CPE: variants seen among roughly 807,000 people sequenced by gnomAD.
CPE encodes carboxypeptidase E, also known as carbocypeptidase E.
In CPE, 17 loss-of-function variants were observed where a neutral mutation model predicts 53.5. That is an observed-to-expected ratio of 0.32 (90% CI 0.22 to 0.48). The LOEUF is 0.48. Among genes scored for constraint, CPE ranks in the 20% least tolerant of loss-of-function variants. The pLI is 0.99. For missense variants in CPE, 524 were observed against 614.7 expected (o/e 0.85, Z 1.56); for synonymous variants, 226 against 228.8 (o/e 0.99, Z 0.11).
chr4:165,398,399 C>T (rs945802859), intron 1 of CPE, among the ~76,000 whole-genome samples: 7 of 151,890 alleles, frequency 4.6e-5, no homozygotes, highest in African/African-American at 1.7e-4. Context: ...TGTATGAATA[C>T]ATATAGGTAC....
intron 1 of CPE, among the ~76,000 whole-genome samples, chr4:165,430,051 T>A (rs76859813): frequency 0.19 from 25,283 of 136,480 alleles, 2,403 homozygotes; most frequent in East Asian, 0.32. Context: ...TATCAAAAAA[T>A]AAAAATAAAA....
chr4:165,489,080 C>G (rs1579284248), intron 6 of CPE, among the ~76,000 whole-genome samples: 1 of 152,078 alleles, frequency 6.6e-6, no homozygotes, highest in East Asian at 1.9e-4. Context: ...GATAAGCAGT[C>G]CACGATGACT....
intron 1 of CPE, among the ~76,000 whole-genome samples, chr4:165,402,113 A>T (rs1023577800): frequency 6.6e-6 from 1 of 152,218 alleles, no homozygotes; most frequent in Non-Finnish European, 1.5e-5. Flanking sequence ...TAAAAATGTA[A>T]TAAAGCTTCT....
chr4:165,453,721 C>T (rs565215563), intron 1 of CPE, among the ~76,000 whole-genome samples: 1 of 152,224 alleles, frequency 6.6e-6, no homozygotes, highest in African/African-American at 2.4e-5. Flanking sequence ...AAAGGAGATA[C>T]TTCATGAACG....
At chr4:165,463,254 A>AT (rs1210462010) in intron 1 of CPE, among the ~76,000 whole-genome samples, 1 of 152,212 alleles carries the variant, frequency 6.6e-6, no homozygotes, top group Admixed American at 6.5e-5. Flanking sequence ...TGAAGAGAAA[A>AT]TTAGATTATG....
chr4:165,468,804 C>T (rs1406577727), intron 3 of CPE, among the ~76,000 whole-genome samples: 1 of 152,170 alleles, frequency 6.6e-6, no homozygotes, highest in African/African-American at 2.4e-5. Context: ...TGACCTCACA[C>T]ACAAATTATT....
At chr4:165,415,777 A>G (rs913667444) in intron 1 of CPE, among the ~76,000 whole-genome samples, 1 of 152,106 alleles carries the variant, frequency 6.6e-6, no homozygotes, top group Non-Finnish European at 1.5e-5. Context: ...ATACATACAT[A>G]TAGTACATAT....
intron 6 of CPE, among the ~76,000 whole-genome samples, chr4:165,492,908 C>CT (rs752118072): frequency 6.6e-6 from 1 of 152,076 alleles, no homozygotes. Context: ...TAATATGACA[C>CT]TTTTTAAAAT....
chr4:165,422,908 C>T (rs978861499), intron 1 of CPE, among the ~76,000 whole-genome samples: 19 of 139,480 alleles, frequency 1.4e-4, no homozygotes, highest in Admixed American at 2.4e-4. Context: ...ACTCGGGAGG[C>T]GGAGCTTGCA....
intron 1 of CPE, among the ~76,000 whole-genome samples, chr4:165,445,590 T>C (rs1731699694): frequency 6.6e-6 from 1 of 152,122 alleles, no homozygotes; most frequent in African/African-American, 2.4e-5. Flanking sequence ...GGAATAGATT[T>C]AACAAAAAAG....
chr4:165,393,373 C>T (rs2126656718), intron 1 of CPE, among the ~76,000 whole-genome samples: 1 of 152,206 alleles, frequency 6.6e-6, no homozygotes, highest in East Asian at 1.9e-4. Context: ...ACTAATTTTT[C>T]CAATTATAGG....
chr4:165,496,234 G>A (rs1161847553), intron 8 of CPE, among the ~76,000 whole-genome samples: 3 of 152,120 alleles, frequency 2.0e-5, no homozygotes, highest in Admixed American at 2.0e-4. Context: ...TGGGACCGTG[G>A]GAATACCTGT....
At chr4:165,480,560 C>T (rs1402482317) in intron 3 of CPE, among the ~76,000 whole-genome samples, 1 of 152,192 alleles carries the variant, frequency 6.6e-6, no homozygotes, top group African/African-American at 2.4e-5. Context: ...GCTGAGTGGC[C>T]TCATGCTGTT....
chr4:165,393,193 T>C (rs923484594), intron 1 of CPE, among the ~76,000 whole-genome samples: 24 of 152,192 alleles, frequency 1.6e-4, no homozygotes, highest in Non-Finnish European at 3.2e-4. Context: ...AAAAAAGCAA[T>C]GTCATTTGAG....
At position 165,394,347 on chromosome 4, in the gene CPE, G is replaced by A. The variant is rs1176515171; in HGVS notation, c.307+14819G>A. ...ATACCTACTATACCACAGTGCTTCT[G>A]TGAATAGATTCAAGTAATTTTTTGA... On this transcript the variant is annotated intron_variant, in intron 1 of 8. Coordinates refer to ENST00000402744, the MANE Select transcript of CPE (RefSeq NM_001873.4). Among the ~76,000 whole-genome samples, 7 of 152,162 alleles carry A rather than the reference G, an allele frequency of 4.6e-5. No individual in the cohort carries two copies. In the East Asian group the frequency reaches 1.3e-3, roughly 29 times the overall value.
At chr4:165,405,924 T>G in intron 1 of CPE, 1 of 731,794 alleles carries the variant, frequency 1.4e-6, no homozygotes, top group Non-Finnish European at 2.6e-6. Context: ...GATCCACTGA[T>G]GGCAGTCACA....
chr4:165,451,456 A>G (rs1253307999), intron 1 of CPE, among the ~76,000 whole-genome samples: 1 of 152,012 alleles, frequency 6.6e-6, no homozygotes, highest in Non-Finnish European at 1.5e-5. Context: ...TCCTCTCAAC[A>G]ACTCAGCAGA....
At chr4:165,430,052 A>T (rs935967215) in intron 1 of CPE, among the ~76,000 whole-genome samples, 5 of 132,594 alleles carry the variant, frequency 3.8e-5, no homozygotes, top group South Asian at 4.9e-4. Flanking sequence ...ATCAAAAAAT[A>T]AAAATAAAAA....
At chr4:165,395,979 T>C (rs1293903496) in intron 1 of CPE, among the ~76,000 whole-genome samples, 1 of 152,206 alleles carries the variant, frequency 6.6e-6, no homozygotes, top group East Asian at 1.9e-4. Flanking sequence ...CTAAGACCAC[T>C]GCAACTTTTT....
Sources: allele counts gnomAD v4.1 joint callset (sites outside exome capture counted in the v4.1 genomes callset), GRCh38; gene constraint gnomAD v4.1.1; transcripts MANE v1.5; gene names NCBI Gene and HGNC (gene_info 2026-07-23, HGNC 2026-07-21).